FTCDNL1: variants seen among roughly 807,000 people sequenced by gnomAD.
FTCDNL1 encodes the protein formiminotransferase N-terminal subdomain-containing protein.
Under a neutral mutation model 5.9 loss-of-function variants are expected in FTCDNL1, and 11 were observed. The observed-to-expected ratio is 1.87, with a 90% confidence interval of 1.18 to 3.10. The LOEUF (loss-of-function observed/expected upper bound fraction) is 3.10, where lower values mean the gene tolerates loss of function less well. Among genes scored for constraint, FTCDNL1 ranks in the 30% most tolerant of loss-of-function variants. The pLI is 0.00. For synonymous variants in FTCDNL1, 58 were observed against 24.8 expected, an observed-to-expected ratio of 2.34 and a Z score of -3.99; for missense variants, 115 against 65.5, an observed-to-expected ratio of 1.76 and a Z score of -2.61.
the FTCDNL1 span, among the ~76,000 whole-genome samples, chr2:199,697,862 C>T: frequency 6.6e-6 from 1 of 152,188 alleles, no homozygotes; most frequent in Non-Finnish European, 1.5e-5. Flanking sequence ...CAAGACCCAA[C>T]TGTATGCTGT....
At chr2:199,681,125 A>C in the FTCDNL1 span, among the ~76,000 whole-genome samples, 34 of 152,218 alleles carry the variant, frequency 2.2e-4, no homozygotes, top group African/African-American at 8.0e-4. Flanking sequence ...AAAAAGTTAA[A>C]AGGATGGCAT....
the FTCDNL1 span, among the ~76,000 whole-genome samples, chr2:199,711,806 T>A: frequency 6.6e-6 from 1 of 152,194 alleles, no homozygotes; most frequent in African/African-American, 2.4e-5. Context: ...GGGCTTCCAA[T>A]TCCTGGGTTT....
At chr2:199,725,885 G>A in the FTCDNL1 span, among the ~76,000 whole-genome samples, 1 of 152,102 alleles carries the variant, frequency 6.6e-6, no homozygotes, top group Non-Finnish European at 1.5e-5. Flanking sequence ...TTCTCATAGA[G>A]TATCTTACTG....
At chr2:199,701,299 T>TAAAAAAAAAAAAAA in the FTCDNL1 span, among the ~76,000 whole-genome samples, 1 of 72,354 alleles carries the variant, frequency 1.4e-5, no homozygotes, top group African/African-American at 4.5e-5. Flanking sequence ...CTTGAAAGTT[T>TAAAAAAAAAAAAAA]AAAAAAAAAA....
intron 3 of FTCDNL1, among the ~76,000 whole-genome samples, chr2:199,768,799 T>C (rs75262965): frequency 0.011 from 1,674 of 152,212 alleles, 31 homozygotes; most frequent in African/African-American, 0.037. Flanking sequence ...GCTCCAGTAT[T>C]CCCTCCCTCT....
chr2:199,765,556 A>ATATTTTTTTTTTTT, intron 3 of FTCDNL1, among the ~76,000 whole-genome samples: 2 of 42,656 alleles, frequency 4.7e-5, no homozygotes, highest in African/African-American at 6.4e-5. Flanking sequence ...ATATATATAT[A>ATATTTTTTTTTTTT]TTTTTTTTTT....
intron 4 of FTCDNL1, among the ~76,000 whole-genome samples, chr2:199,816,900 C>T (rs1191166895): frequency 1.3e-5 from 2 of 152,232 alleles, no homozygotes; most frequent in Admixed American, 6.5e-5. Context: ...GTCTCTTTGC[C>T]CCTCCCCAAC....
At chr2:199,836,377 G>T (rs1574665257) in intron 3 of FTCDNL1, among the ~76,000 whole-genome samples, 1 of 151,992 alleles carries the variant, frequency 6.6e-6, no homozygotes, top group Non-Finnish European at 1.5e-5. Context: ...TCCCTATGTT[G>T]CCCAGGCTGG....
chr2:199,677,233 A>G, the FTCDNL1 span, among the ~76,000 whole-genome samples: 1 of 152,214 alleles, frequency 6.6e-6, no homozygotes, highest in Non-Finnish European at 1.5e-5. Flanking sequence ...AAAACCTAAA[A>G]TTGACAGCTT....
the FTCDNL1 span, among the ~76,000 whole-genome samples, chr2:199,704,339 C>T: frequency 2.0e-5 from 3 of 152,130 alleles, no homozygotes; most frequent in East Asian, 3.9e-4. Flanking sequence ...AACCAAGGAG[C>T]ATGAGATCCT....
chr2:199,767,295 GC>G (rs1698582930), intron 3 of FTCDNL1, among the ~76,000 whole-genome samples: 1 of 152,144 alleles, frequency 6.6e-6, no homozygotes, highest in Admixed American at 6.5e-5. Flanking sequence ...GGGCTTAGAA[GC>G]CCTTGAAGCC....
At chr2:199,826,276 G>A (rs1045827233) in intron 3 of FTCDNL1, among the ~76,000 whole-genome samples, 28 of 152,172 alleles carry the variant, frequency 1.8e-4, no homozygotes, top group African/African-American at 6.5e-4. Context: ...AAGGGCAGGG[G>A]TGCATTTTAA....
the FTCDNL1 span, among the ~76,000 whole-genome samples, chr2:199,754,614 T>C: frequency 6.6e-6 from 1 of 152,172 alleles, no homozygotes; most frequent in Non-Finnish European, 1.5e-5. Flanking sequence ...AGTTGTTTCC[T>C]AGAGAGTCTC....
the FTCDNL1 span, among the ~76,000 whole-genome samples, chr2:199,689,704 G>A: frequency 4.6e-5 from 7 of 151,444 alleles, no homozygotes; most frequent in Admixed American, 1.3e-4. Context: ...TAAGCTACTC[G>A]GGAGGCTGAG....
chr2:199,829,452 CTT>C (rs1409584103), intron 3 of FTCDNL1, among the ~76,000 whole-genome samples: 2 of 152,158 alleles, frequency 1.3e-5, no homozygotes, highest in Non-Finnish European at 2.9e-5. Flanking sequence ...TTATATTCCT[CTT>C]TGCAGGAGAA....
the FTCDNL1 span, among the ~76,000 whole-genome samples, chr2:199,690,343 G>A: frequency 6.6e-6 from 1 of 152,188 alleles, no homozygotes; most frequent in East Asian, 1.9e-4. Flanking sequence ...TCGAAGTCCT[G>A]AACATGACAC....
At chr2:199,782,899 T>C (rs1322160690) in intron 3 of FTCDNL1, among the ~76,000 whole-genome samples, 2 of 152,220 alleles carry the variant, frequency 1.3e-5, no homozygotes, top group African/African-American at 2.4e-5. Flanking sequence ...CTTGGTTCTA[T>C]ATATTAAACA....
At chr2:199,795,843 T>C (rs142344519) in intron 3 of FTCDNL1, among the ~76,000 whole-genome samples, 15 of 152,302 alleles carry the variant, frequency 9.8e-5, no homozygotes, top group African/African-American at 3.6e-4. Context: ...TTATATCTCA[T>C]TGTCATCCAT....
chr2:199,728,925 C>T, the FTCDNL1 span, among the ~76,000 whole-genome samples: 2 of 152,152 alleles, frequency 1.3e-5, no homozygotes, highest in Non-Finnish European at 2.9e-5. Flanking sequence ...GCTAAAAGTG[C>T]CAACCCCAGG....
Sources: gnomAD v4.1 joint callset for allele counts (sites outside exome capture counted in the v4.1 genomes callset) on GRCh38, gnomAD v4.1.1 for gene constraint, MANE v1.5 for transcripts, NCBI Gene and HGNC (gene_info 2026-07-23, HGNC 2026-07-21) for gene names.